Variants in CHST9 observed in about 807,000 individuals in gnomAD.
The protein encoded by CHST9 is GalNAc-4-sulfotransferase 2.
Under a neutral mutation model 44.4 loss-of-function variants are expected in CHST9, and 41 were observed. The observed-to-expected ratio is 0.92, with a 90% CI of 0.72 to 1.20. The LOEUF (loss-of-function observed/expected upper bound fraction) is 1.20, where lower values mean the gene tolerates loss of function less well. Among genes scored for constraint, CHST9 ranks in the 50% most tolerant of loss-of-function variants. The pLI, the probability that CHST9 is intolerant of heterozygous loss-of-function variation, is 0.00. For missense variants in CHST9, 504 were observed against 516.5 expected (o/e 0.98, Z 0.23); for synonymous variants, 171 against 178.4 (o/e 0.96, Z 0.33).
chr18:26,917,232 G>A lies in CHST9; in HGVS notation c.359C>T (p.Ala120Val), dbSNP rs776547367. Residue 120 changes from alanine to valine, a missense_variant, in exon 6 of 6, where the codon GCT (alanine) becomes GTT (valine). Ala to Val is a moderately conservative substitution (Grantham distance 64, BLOSUM62 0). Coordinates refer to ENST00000618847, the MANE Select transcript of CHST9 (RefSeq NM_031422.6). ...TGGTGACCCTGTGGACTTACTTAAA[G>A]CTTGATCCCCTCCTTGTGAATGACT... is the stretch of plus-strand genomic sequence containing the variant. The part of the protein sequence containing the change: ...KTSHSQGGDQ[A>V]LSKSTGSPTE... 1 of 1,613,856 alleles carries A rather than the reference G, an allele frequency of 6.2e-7. No individual in the cohort carries two copies. The highest frequency in any genetic ancestry group is 8.5e-7 in the Non-Finnish European group (1 of 1,179,820).
chr18:26,968,122 C>A (rs1035737069), intron 4 of CHST9, among the ~76,000 whole-genome samples: 3 of 152,180 alleles, frequency 2.0e-5, no homozygotes, highest in Admixed American at 2.0e-4. Flanking sequence ...GGGACTTCAC[C>A]TTGTGGTCCT....
At chr18:27,113,838 G>A (rs143729395) in intron 2 of CHST9, among the ~76,000 whole-genome samples, 20 of 152,284 alleles carry the variant, frequency 1.3e-4, no homozygotes, top group South Asian at 6.2e-4. Flanking sequence ...AAACCAACTT[G>A]AGGTACTTAA....
At chr18:27,030,447 G>T (rs985193840) in intron 3 of CHST9, among the ~76,000 whole-genome samples, 1 of 152,156 alleles carries the variant, frequency 6.6e-6, no homozygotes, top group African/African-American at 2.4e-5. Flanking sequence ...ATGAGTAGAT[G>T]GCTTGTTTCA....
At chr18:26,968,422 G>T (rs2145164130) in intron 4 of CHST9, among the ~76,000 whole-genome samples, 1 of 152,296 alleles carries the variant, frequency 6.6e-6, no homozygotes, top group East Asian at 1.9e-4. Flanking sequence ...AATCATGAGT[G>T]AGGTCGGTGC....
Position 26,986,554 on chromosome 18 carries a change from CTT to C in CHST9, c.202+37560_202+37561del, listed in dbSNP as rs553716745. Among the ~76,000 whole-genome samples, 27 of 152,144 alleles carry C rather than the reference CTT, an allele frequency of 1.8e-4. No homozygotes were observed. In the East Asian group the frequency reaches 3.3e-3, roughly 19 times the overall value. ...GAAAATTTCATATTTTTGGTGAAAA[CTT>C]TAAGTTCAGAGATCTAGGAAGCTCA... On this transcript the variant is annotated intron_variant, in intron 4 of 5. Transcript: ENST00000618847.
At chr18:27,123,519 C>A (rs1480149095) in intron 2 of CHST9, among the ~76,000 whole-genome samples, 1 of 152,060 alleles carries the variant, frequency 6.6e-6, no homozygotes, top group African/African-American at 2.4e-5. Context: ...GATAGACCAT[C>A]ATGCTGTGGG....
Position 27,168,365 on chromosome 18 carries a change from C to T in CHST9, c.-97+16771G>A, listed in dbSNP as rs1011034099. On this transcript the variant is annotated intron_variant, in intron 1 of 5. Coordinates refer to ENST00000618847, the MANE Select transcript of CHST9 (RefSeq NM_031422.6). ...CTGGGATTACAAGCGTGAGCCACCG[C>T]GCCCAGCCTATACCTATGTTTTATG... Among the ~76,000 whole-genome samples, 74 of 152,126 alleles carry T rather than the reference C, an allele frequency of 4.9e-4. 1 individual carries two copies. Among genetic ancestry groups the T allele is most frequent in the Non-Finnish European group, 1.0e-4 (7 of 68,022 alleles).
At chr18:27,007,625 G>A (rs1371389743) in intron 4 of CHST9, among the ~76,000 whole-genome samples, 1 of 152,192 alleles carries the variant, frequency 6.6e-6, no homozygotes, top group Non-Finnish European at 1.5e-5. Context: ...AAACTCAAAG[G>A]GATGGAAAAG....
chr18:27,068,943 A>G (rs2057810980), intron 2 of CHST9, among the ~76,000 whole-genome samples: 1 of 151,990 alleles, frequency 6.6e-6, no homozygotes, highest in Non-Finnish European at 1.5e-5. Flanking sequence ...AAGGTTTTCT[A>G]TTGTTGTTTT....
At chr18:27,108,076 T>C (rs2058237662) in intron 2 of CHST9, among the ~76,000 whole-genome samples, 1 of 152,150 alleles carries the variant, frequency 6.6e-6, no homozygotes, top group Non-Finnish European at 1.5e-5. Context: ...TCTACCCACC[T>C]AGACACCTAA....
chr18:26,988,498 A>G (rs2056779794), intron 4 of CHST9, among the ~76,000 whole-genome samples: 1 of 152,196 alleles, frequency 6.6e-6, no homozygotes, highest in Non-Finnish European at 1.5e-5. Flanking sequence ...CAAGGACAAA[A>G]CAATGCTAAG....
chr18:27,078,110 A>C (rs902422111), intron 2 of CHST9, among the ~76,000 whole-genome samples: 16 of 152,190 alleles, frequency 1.1e-4, no homozygotes, highest in African/African-American at 3.1e-4. Context: ...TGAGAATTAC[A>C]ATTTGACTTG....
intron 2 of CHST9, among the ~76,000 whole-genome samples, chr18:27,137,352 GTGTA>G (rs1351677214): frequency 1.7e-3 from 187 of 108,516 alleles, no homozygotes; most frequent in African/African-American, 6.5e-3. Flanking sequence ...GTGTGTGTGT[GTGTA>G]TAGAGAGAGA....
Position 26,909,563 on chromosome 18 carries a change from ACT to A in CHST9, c.*6694_*6695del, listed in dbSNP as rs1316260753. The A allele has an allele frequency of 1.3e-5, 2 of 152,200 alleles. No homozygotes were observed. Among genetic ancestry groups the A allele is most frequent in the African/African-American group, 4.8e-5 (2 of 41,438 alleles). The allele number at this position is 152,200 out of a possible 1,614,324, so 9.4% of individuals were successfully genotyped here. ...ATATTGTTCTTTTAAGTTGGTAGACACTCTAGCATTCTGAGTGCATTTTTATT... is the reference window on the plus strand; with the variant it reads ...ATATTGTTCTTTTAAGTTGGTAGACACTAGCATTCTGAGTGCATTTTTATT... On this transcript the variant is annotated 3_prime_UTR_variant, in exon 6 of 6. Coordinates refer to ENST00000618847, the MANE Select transcript of CHST9 (RefSeq NM_031422.6).
intron 4 of CHST9, among the ~76,000 whole-genome samples, chr18:27,002,871 A>G (rs2056969966): frequency 6.6e-6 from 1 of 152,226 alleles, no homozygotes; most frequent in Non-Finnish European, 1.5e-5. Flanking sequence ...AGGTCAGCAG[A>G]GTAGTTTCAA....
Position 26,906,625 on chromosome 18 carries a change from G to T in CHST9, c.*9634C>A, listed in dbSNP as rs576405511. On this transcript the variant is annotated 3_prime_UTR_variant, in exon 6 of 6. Transcript: ENST00000618847. ...TGAGAGAAGTTAAAGCAATTTCAGA[G>T]GTCCCAACATTTGAAAGTTGAGGAT... 1 of 152,142 alleles carries T rather than the reference G, an allele frequency of 6.6e-6. No individual in the cohort carries two copies. Among genetic ancestry groups the T allele is most frequent in the Non-Finnish European group, 1.5e-5 (1 of 68,034 alleles). 9.4% of individuals were successfully genotyped at this position (152,142 alleles called of 1,614,324 possible).
intron 1 of CHST9, among the ~76,000 whole-genome samples, chr18:27,152,169 CT>C (rs1308511200): frequency 4.6e-5 from 7 of 152,062 alleles, no homozygotes; most frequent in Non-Finnish European, 1.0e-4. Context: ...CATCTTGTTG[CT>C]TTGATTTTCT....
At chr18:26,963,573 TAAA>T (rs34202207) in intron 4 of CHST9, among the ~76,000 whole-genome samples, 5 of 137,234 alleles carry the variant, frequency 3.6e-5, no homozygotes, top group African/African-American at 1.0e-4. Flanking sequence ...TAAGGAGTAT[TAAA>T]AAAAAAAAAA....
At chr18:26,921,819 G>T (rs969501600) in intron 5 of CHST9, among the ~76,000 whole-genome samples, 27 of 152,086 alleles carry the variant, frequency 1.8e-4, no homozygotes, top group African/African-American at 6.0e-4. Flanking sequence ...TTCAAGAGTG[G>T]CTCCCCCTGT....
Sources: gnomAD v4.1 joint callset for allele counts (sites outside exome capture counted in the v4.1 genomes callset) on GRCh38, gnomAD v4.1.1 for gene constraint, MANE v1.5 for transcripts, NCBI Gene and HGNC (gene_info 2026-07-23, HGNC 2026-07-21) for gene names.